NTNG1: variants seen among roughly 807,000 people sequenced by gnomAD.
The protein encoded by NTNG1 is netrin G1, also known as netrin-G1.
Under a neutral mutation model 54.0 loss-of-function variants are expected in NTNG1, and 16 were observed. The observed-to-expected ratio is 0.30, with a 90% confidence interval of 0.20 to 0.45. The LOEUF is 0.45. NTNG1 is among the 20% of genes least tolerant of loss of function. The probability of loss-of-function intolerance (pLI) is 1.00; values close to 1 mark genes in which losing one functional copy is unlikely to be tolerated. For synonymous variants in NTNG1, 255 were observed against 263.1 expected, an observed-to-expected ratio of 0.97 and a Z score of 0.30; for missense variants, 530 against 678.7, an observed-to-expected ratio of 0.78 and a Z score of 2.43.
At chr1:107,204,558 C>A (rs1360933018) in intron 2 of NTNG1, among the ~76,000 whole-genome samples, 1 of 152,056 alleles carries the variant, frequency 6.6e-6, no homozygotes, top group African/African-American at 2.4e-5. Flanking sequence ...CTGTCTCTGA[C>A]CCTTCATATC....
At chr1:107,319,885 A>ATATATATAT (rs1557896129) in intron 2 of NTNG1, among the ~76,000 whole-genome samples, 1 of 150,938 alleles carries the variant, frequency 6.6e-6, no homozygotes, top group African/African-American at 2.4e-5. Flanking sequence ...ATATATATAT[A>ATATATATAT]AAACTCTGAA....
intron 7 of NTNG1, 35 bp from the exon 8 acceptor site, chr1:107,480,576 G>GGCC: frequency 8.8e-6 from 3 of 339,096 alleles, no homozygotes; most frequent in Non-Finnish European, 1.7e-5. Flanking sequence ...TCCTCCCCGC[G>GGCC]CCCACCCACC....
intron 7 of NTNG1, among the ~76,000 whole-genome samples, chr1:107,470,703 C>G (rs1338916901): frequency 6.6e-6 from 1 of 152,212 alleles, no homozygotes; most frequent in Admixed American, 6.5e-5. Context: ...TCTTATTAAA[C>G]TAGACAAGTG....
intron 2 of NTNG1, among the ~76,000 whole-genome samples, chr1:107,179,917 T>C (rs1017538248): frequency 6.6e-6 from 1 of 152,158 alleles, no homozygotes; most frequent in African/African-American, 2.4e-5. Context: ...CATTAGTAAG[T>C]TGCATGTCAG....
chr1:107,193,254 T>C (rs1658091742), intron 2 of NTNG1, among the ~76,000 whole-genome samples: 1 of 152,052 alleles, frequency 6.6e-6, no homozygotes, highest in African/African-American at 2.4e-5. Flanking sequence ...ACTGGTCTTC[T>C]TACTTCTCAT....
intron 5 of NTNG1, among the ~76,000 whole-genome samples, chr1:107,419,047 T>C (rs1295396820): frequency 1.3e-5 from 2 of 152,012 alleles, no homozygotes; most frequent in African/African-American, 4.8e-5. Flanking sequence ...GGTAAATACA[T>C]AGAGGTAGTA....
At chr1:107,212,306 G>A (rs1199614242) in intron 2 of NTNG1, among the ~76,000 whole-genome samples, 2 of 152,062 alleles carry the variant, frequency 1.3e-5, no homozygotes, top group African/African-American at 2.4e-5. Flanking sequence ...ATCATTTAAT[G>A]AGTGCTCACT....
intron 2 of NTNG1, among the ~76,000 whole-genome samples, chr1:107,258,809 G>A (rs1663107702): frequency 6.6e-6 from 1 of 152,172 alleles, no homozygotes; most frequent in Non-Finnish European, 1.5e-5. Context: ...CAATCTTGAG[G>A]AACAGACTTT....
At chr1:107,164,702 A>G (rs78506393) in intron 2 of NTNG1, among the ~76,000 whole-genome samples, 3,405 of 152,326 alleles carry the variant, frequency 0.022, 103 homozygotes, top group African/African-American at 0.077. Flanking sequence ...ACGTTGTCAA[A>G]TGCTAGATTT....
At chr1:107,436,575 T>A in intron 6 of NTNG1, 90 bp from the exon 7 acceptor site, 1 of 1,023,354 alleles carries the variant, frequency 9.8e-7, no homozygotes, top group Non-Finnish European at 1.4e-6. Flanking sequence ...TTTAAGTAAG[T>A]GATGCATTTA....
At chr1:107,222,799 C>CTTT (rs113401472) in intron 2 of NTNG1, among the ~76,000 whole-genome samples, 1,794 of 108,966 alleles carry the variant, frequency 0.016, 60 homozygotes, top group African/African-American at 0.061. Context: ...ACCAGTGCTG[C>CTTT]TTTTTTTTTT....
At chr1:107,265,736 A>ACTT in intron 2 of NTNG1, among the ~76,000 whole-genome samples, 1 of 152,356 alleles carries the variant, frequency 6.6e-6, no homozygotes, top group African/African-American at 2.4e-5. Context: ...TAACATATTC[A>ACTT]GTCATGTTCC....
intron 5 of NTNG1, chr1:107,409,072 C>CTACA (rs530708441): frequency 3.3e-3 from 510 of 152,268 alleles, no homozygotes; most frequent in African/African-American, 0.012. Flanking sequence ...CAGCCTAATG[C>CTACA]TACAGCATCC....
intron 2 of NTNG1, among the ~76,000 whole-genome samples, chr1:107,210,055 G>A (rs779816313): frequency 1.3e-4 from 20 of 152,100 alleles, no homozygotes; most frequent in Non-Finnish European, 2.9e-4. Flanking sequence ...ATCACAGAAA[G>A]GGGATGCACT....
At chr1:107,297,266 C>G (rs1186087760) in intron 2 of NTNG1, among the ~76,000 whole-genome samples, 1 of 144,944 alleles carries the variant, frequency 6.9e-6, no homozygotes, top group Non-Finnish European at 1.5e-5. Flanking sequence ...CACACACACA[C>G]AGCAGTTAAG....
intron 2 of NTNG1, among the ~76,000 whole-genome samples, chr1:107,235,970 A>G (rs570363474): frequency 1.1e-4 from 17 of 152,290 alleles, no homozygotes; most frequent in African/African-American, 4.1e-4. Context: ...CCAGTGTAAT[A>G]ACAGTGGATT....
chr1:107,155,257 G>A (rs1029608083), intron 2 of NTNG1, among the ~76,000 whole-genome samples: 2 of 151,764 alleles, frequency 1.3e-5, no homozygotes, highest in African/African-American at 2.4e-5. Context: ...TGAAGCCCTC[G>A]TGTCATCTCT....
At chr1:107,288,401 G>C (rs1042578675) in intron 2 of NTNG1, among the ~76,000 whole-genome samples, 1 of 152,136 alleles carries the variant, frequency 6.6e-6, no homozygotes, top group Non-Finnish European at 1.5e-5. Flanking sequence ...GTATGTTTGA[G>C]AGGCATTTGC....
chr1:107,416,452 T>C (rs1674210725), intron 5 of NTNG1, among the ~76,000 whole-genome samples: 1 of 152,052 alleles, frequency 6.6e-6, no homozygotes, highest in African/African-American at 2.4e-5. Flanking sequence ...TCTTGATAAG[T>C]CCATACAGTT....
Sources: gnomAD v4.1 joint callset for allele counts (sites outside exome capture counted in the v4.1 genomes callset) on GRCh38, gnomAD v4.1.1 for gene constraint, MANE v1.5 for transcripts, NCBI Gene and HGNC (gene_info 2026-07-23, HGNC 2026-07-21) for gene names.